The following SLC24A4 variants were observed in gnomAD, a reference collection of about 807,000 sequenced individuals.
SLC24A4 encodes the protein solute carrier family 24 member 4.
SLC24A4 carries 53 observed loss-of-function variants against 79.0 expected under a neutral mutation model. That is an observed-to-expected ratio of 0.67 (90% confidence interval 0.54 to 0.84). SLC24A4 has a LOEUF of 0.84. Among genes scored for constraint, SLC24A4 ranks in the 40% least tolerant of loss-of-function variants. SLC24A4 has a pLI of 0.00. For synonymous variants in SLC24A4, 323 were observed against 323.8 expected, an observed-to-expected ratio of 1.00 and a Z score of 0.03; for missense variants, 731 against 822.0, an observed-to-expected ratio of 0.89 and a Z score of 1.35.
chr14:92,493,617 G>A lies in SLC24A4; in HGVS notation c.1858G>A (p.Glu620Lys), dbSNP rs778006804. Residue 620 changes from glutamate to lysine, a missense_variant, in exon 17 of 17, where the codon GAA becomes AAA. Glu to Lys is a moderately conservative substitution (Grantham distance 56). Transcript: ENST00000532405. ...FTFVNLPMCR[E>K]DD ...CTTCGTCAACTTGCCGATGTGCCGG[G>A]AAGACGATTAGCGCTGAGTCGCGGC... is the stretch of plus-strand genomic sequence containing the variant. 1.2e-6 allele frequency: 2 copies of A among 1,614,188 alleles called. No individual in the cohort carries two copies. Among genetic ancestry groups the A allele is most frequent in the Middle Eastern group, 1.7e-4 (1 of 6,058 alleles).
intron 2 of SLC24A4, among the ~76,000 whole-genome samples, chr14:92,363,710 G>C (rs1465894973): frequency 6.6e-6 from 1 of 152,036 alleles, no homozygotes; most frequent in Non-Finnish European, 1.5e-5. Context: ...CGCATCTGTG[G>C]TCTCAGCTAC....
chr14:92,443,105 A>C lies in SLC24A4; in HGVS notation c.582+289A>C, dbSNP rs146235624. ...CTTGCAGAGGGAGATGGAAGTGGGC[A>C]GCCGACTGTGCCTGAAAGTGCCAGG... On this transcript the variant is annotated intron_variant, in intron 6 of 16. Transcript: ENST00000532405. Among the ~76,000 whole-genome samples, 822 of 152,336 alleles carry C rather than the reference A, an allele frequency of 5.4e-3. 6 individuals carry two copies. Among genetic ancestry groups the C allele is most frequent in the African/African-American group, 0.018 (757 of 41,582 alleles).
intron 2 of SLC24A4, among the ~76,000 whole-genome samples, chr14:92,421,537 T>A (rs1052130021): frequency 6.6e-6 from 1 of 152,154 alleles, no homozygotes; most frequent in African/African-American, 2.4e-5. Context: ...AGACACAGTT[T>A]TACTCTGTCG....
chr14:92,493,428 T>G, intron 16 of SLC24A4, 48 bp from the exon 17 acceptor site: 2 of 1,603,690 alleles, frequency 1.2e-6, no homozygotes, highest in Admixed American at 3.4e-5. Flanking sequence ...AAATGCCTCT[T>G]GTATTTCTTT....
chr14:92,388,707 T>G (rs1245314283), intron 2 of SLC24A4, among the ~76,000 whole-genome samples: 1 of 152,230 alleles, frequency 6.6e-6, no homozygotes, highest in Non-Finnish European at 1.5e-5. Context: ...CCCATCTGTT[T>G]GTTCAGGGCA....
intron 12 of SLC24A4, among the ~76,000 whole-genome samples, chr14:92,459,550 G>C (rs1054119272): frequency 6.6e-6 from 1 of 152,136 alleles, no homozygotes; most frequent in African/African-American, 2.4e-5. Flanking sequence ...AGTTCCACAC[G>C]TTTCCTCTGT....
At chr14:92,438,124 C>T (rs1172422660) in intron 3 of SLC24A4, among the ~76,000 whole-genome samples, 2 of 151,762 alleles carry the variant, frequency 1.3e-5, no homozygotes, top group African/African-American at 4.9e-5. Context: ...GGCTCAGTCC[C>T]ACAAGACTGC....
intron 3 of SLC24A4, among the ~76,000 whole-genome samples, chr14:92,436,641 C>T (rs1674034739): frequency 2.0e-5 from 3 of 152,196 alleles, no homozygotes; most frequent in Admixed American, 2.0e-4. Context: ...ATGCTGACCT[C>T]TTCTTTAGAG....
intron 12 of SLC24A4, among the ~76,000 whole-genome samples, chr14:92,459,922 C>G (rs1595319045): frequency 6.6e-6 from 1 of 152,112 alleles, no homozygotes; most frequent in East Asian, 1.9e-4. Flanking sequence ...TTCACAGTGG[C>G]CTGGGGCTGC....
intron 2 of SLC24A4, among the ~76,000 whole-genome samples, chr14:92,395,912 G>A (rs529687468): frequency 9.9e-5 from 15 of 152,244 alleles, no homozygotes; most frequent in African/African-American, 2.9e-4. Flanking sequence ...GGCAACTTCC[G>A]CCTGCTGGGT....
chr14:92,447,515 C>T, intron 9 of SLC24A4, 91 bp downstream of exon 9: 1 of 1,281,750 alleles, frequency 7.8e-7, no homozygotes, highest in Non-Finnish European at 1.1e-6. Context: ...AAACATCTGT[C>T]AGATCTTTGT....
At chr14:92,440,032 C>T (rs987137499) in intron 4 of SLC24A4, among the ~76,000 whole-genome samples, 4 of 152,230 alleles carry the variant, frequency 2.6e-5, no homozygotes, top group African/African-American at 9.6e-5. Flanking sequence ...GGCTTTACCA[C>T]CCTTCATCCC....
chr14:92,366,368 A>G (rs1412478422), intron 2 of SLC24A4, among the ~76,000 whole-genome samples: 1 of 152,220 alleles, frequency 6.6e-6, no homozygotes, highest in Non-Finnish European at 1.5e-5. Flanking sequence ...TGTGACAGCC[A>G]GATGCTTGGG....
chr14:92,401,358 A>G (rs1890102201), intron 2 of SLC24A4, among the ~76,000 whole-genome samples: 1 of 152,186 alleles, frequency 6.6e-6, no homozygotes, highest in Non-Finnish European at 1.5e-5. Context: ...CTTTAGTATG[A>G]TAATATTCCA....
intron 2 of SLC24A4, among the ~76,000 whole-genome samples, chr14:92,364,023 T>C (rs1887682774): frequency 6.6e-6 from 1 of 152,130 alleles, no homozygotes; most frequent in African/African-American, 2.4e-5. Context: ...CCTGGTATCC[T>C]CTGTAGGTGA....
chr14:92,439,362 A>G lies in SLC24A4; in HGVS notation c.346A>G (p.Ile116Val), dbSNP rs773717582. ...GALYMFYALA[I>V]VCDDFFVPSL... is the part of the protein sequence containing the mutation. ...TCTGTATATGTTCTATGCCTTGGCCATAGTGTGCGATGACTTCTTTGTTCC... is the reference window on the plus strand; with the variant it reads ...TCTGTATATGTTCTATGCCTTGGCCGTAGTGTGCGATGACTTCTTTGTTCC... The change falls in exon 4 of 17, where the codon ATA (isoleucine) becomes GTA (valine). Residue 116 changes from isoleucine to valine, a missense_variant. By Grantham distance (29) the Ile-to-Val change is conservative (BLOSUM62 3). Coordinates refer to ENST00000532405, the MANE Select transcript of SLC24A4 (RefSeq NM_153646.4). The G allele has an allele frequency of 3.5e-5, 57 of 1,612,992 alleles. No homozygotes were observed. In the Admixed American group the frequency reaches 8.7e-4, roughly 25 times the overall value.
intron 2 of SLC24A4, among the ~76,000 whole-genome samples, chr14:92,349,970 C>A (rs1886777629): frequency 6.6e-6 from 1 of 152,192 alleles, no homozygotes. Context: ...CAGACACTCA[C>A]CGCCTACCTG....
chr14:92,443,380 C>T lies in SLC24A4; in HGVS notation c.583-20C>T, dbSNP rs777034313. 2.0e-5 allele frequency: 33 copies of T among 1,613,664 alleles called. No individual in the cohort carries two copies. Among genetic ancestry groups the T allele is most frequent in the African/African-American group, 1.5e-4 (11 of 74,948 alleles). On this transcript the variant is annotated intron_variant, in intron 6 of 16. Coordinates refer to ENST00000532405, the MANE Select transcript of SLC24A4 (RefSeq NM_153646.4). ...CCGCTTCTGCGCTCATAGCAGCCAA[C>T]GACGGGGCTCTGCTGGCAGGTGGTC...
chr14:92,469,018 A>G (rs1894284365), intron 12 of SLC24A4, among the ~76,000 whole-genome samples: 1 of 152,208 alleles, frequency 6.6e-6, no homozygotes, highest in Non-Finnish European at 1.5e-5. Flanking sequence ...AGCAGATTAT[A>G]CAAATGGCTA....
Sources: gnomAD v4.1 joint callset for allele counts (sites outside exome capture counted in the v4.1 genomes callset) on GRCh38, gnomAD v4.1.1 for gene constraint, MANE v1.5 for transcripts, NCBI Gene and HGNC (gene_info 2026-07-23, HGNC 2026-07-21) for gene names.